Variants in PAXBP1 observed in about 807,000 individuals in gnomAD.
PAXBP1 encodes the protein PAX3- and PAX7-binding protein 1.
PAXBP1 carries 44 observed loss-of-function variants against 119.9 expected under a neutral mutation model. That is an observed-to-expected ratio of 0.37 (90% CI 0.29 to 0.47). The LOEUF is 0.47. Ranked by LOEUF, PAXBP1 falls within the 20% of genes least tolerant of loss-of-function variation. The pLI is 0.99. For missense variants in PAXBP1, 898 were observed against 1,134.1 expected, an observed-to-expected ratio of 0.79 and a Z score of 2.99; for synonymous variants, 393 against 406.6, an observed-to-expected ratio of 0.97 and a Z score of 0.40.
At position 32,734,859 on chromosome 21, in the gene PAXBP1, G is replaced by A; in HGVS notation, c.*91C>T. 5 of 879,594 alleles carry A rather than the reference G, an allele frequency of 5.7e-6. No individual in the cohort carries two copies. Among genetic ancestry groups the A allele is most frequent in the Middle Eastern group, 3.1e-4 (1 of 3,240 alleles). 54.5% of individuals were successfully genotyped at this position (879,594 alleles called of 1,614,324 possible). A position where few individuals can be genotyped will look rare whatever the true frequency, so the allele number is the denominator to read the frequency against. On this transcript the variant is annotated 3_prime_UTR_variant, in exon 18 of 18. Transcript: ENST00000331923. ...TGTTTTTTGTATTAAAACAAGAATT[G>A]CTATTTTACAGTTTAAGAAACTTTA...
In PAXBP1 at chr21:32,762,198, C is replaced by A. The variant is rs2044161024; in HGVS notation, c.769G>T (p.Asp257Tyr). 1 of 1,614,192 alleles carries A rather than the reference C, an allele frequency of 6.2e-7. No homozygotes were observed. Among genetic ancestry groups the A allele is most frequent in the Non-Finnish European group, 8.5e-7 (1 of 1,180,036 alleles). Residue 257 changes from aspartate to tyrosine, a missense_variant, in exon 4 of 18, where the codon GAT becomes TAT. Asp to Tyr is a radical substitution (Grantham distance 160, BLOSUM62 -3). This residue lies in a region of PAXBP1 where 599 missense variants were observed against 852.7 expected (regional missense o/e 0.70). Coordinates refer to ENST00000331923, the MANE Select transcript of PAXBP1 (RefSeq NM_016631.4). The part of the protein sequence containing the change: ...EPGKGRLVRE[D>Y]ENDASDDEDD... Reference sequence around the variant, plus strand: ...TCATCATCACTGGCATCATTCTCATCTTCTCTAACAAGGCGGCCTTTACCA... The same window carrying A: ...TCATCATCACTGGCATCATTCTCATATTCTCTAACAAGGCGGCCTTTACCA...
At chr21:32,768,789 T>C (rs1275934923) in intron 2 of PAXBP1, among the ~76,000 whole-genome samples, 2 of 152,268 alleles carry the variant, frequency 1.3e-5, no homozygotes, top group East Asian at 1.9e-4. Context: ...TGTCAACGTA[T>C]CTTTCACATG....
intron 17 of PAXBP1, among the ~76,000 whole-genome samples, chr21:32,735,947 G>A (rs2043686560): frequency 6.6e-6 from 1 of 152,232 alleles, no homozygotes; most frequent in African/African-American, 2.4e-5. Flanking sequence ...ACTGCACAAA[G>A]CAGGTGCTTA....
rs1405253367 is a variant in PAXBP1 at position 32,759,565 on chromosome 21, T to C, written c.1193+212A>G. 6 of 610,214 alleles carry C rather than the reference T, an allele frequency of 9.8e-6. No homozygotes were observed. The East Asian group carries it at 1.4e-4, about 14-fold the overall frequency. The allele number at this position is 610,214 out of a possible 1,614,324, so 37.8% of individuals were successfully genotyped here. ...CTCAGAAATGTCTTCAACAAGATCA[T>C]GGAGTGGCATTTTTTATAATTTTTC... is the stretch of plus-strand genomic sequence containing the variant. On this transcript the variant is annotated intron_variant, in intron 6 of 17. Transcript: ENST00000331923.
chr21:32,758,307 A>T (rs1442883888), intron 7 of PAXBP1, among the ~76,000 whole-genome samples: 3 of 152,108 alleles, frequency 2.0e-5, no homozygotes, highest in African/African-American at 7.2e-5. Context: ...ATATTTAAGG[A>T]CCACAGTTTT....
At chr21:32,758,831 A>G (rs1040309028) in intron 7 of PAXBP1, among the ~76,000 whole-genome samples, 36 of 152,110 alleles carry the variant, frequency 2.4e-4, no homozygotes, top group African/African-American at 8.0e-4. Flanking sequence ...TTGAAATAAG[A>G]CTTTCCAAAG....
At chr21:32,767,241 T>C (rs2146525545) in intron 2 of PAXBP1, among the ~76,000 whole-genome samples, 1 of 152,354 alleles carries the variant, frequency 6.6e-6, no homozygotes, top group South Asian at 2.1e-4. Context: ...GTTAATTGTC[T>C]CTGCCTACTA....
At position 32,771,719 on chromosome 21, in the gene PAXBP1, G is replaced by T; in HGVS notation, c.-51C>A. 7.5e-7 allele frequency: 1 copy of T among 1,326,500 alleles called. No homozygotes were observed. The highest frequency in any genetic ancestry group is 9.7e-7 in the Non-Finnish European group (1 of 1,034,824). The allele number at this position is 1,326,500 out of a possible 1,614,324, so 82.2% of individuals were successfully genotyped here. A position where few individuals can be genotyped will look rare whatever the true frequency, so the allele number is the denominator to read the frequency against. ...TACTCGCTTCCACACCGCGGCCCCG[G>T]CAGCGCCGAGCTCGTGACGGCGCAC... is the stretch of plus-strand genomic sequence containing the variant. On this transcript the variant is annotated 5_prime_UTR_variant, in exon 1 of 18. Coordinates refer to ENST00000331923, the MANE Select transcript of PAXBP1 (RefSeq NM_016631.4).
intron 8 of PAXBP1, among the ~76,000 whole-genome samples, chr21:32,754,216 T>A (rs1387925961): frequency 1.3e-5 from 2 of 152,202 alleles, no homozygotes; most frequent in Non-Finnish European, 2.9e-5. Context: ...AGCAAAGCAT[T>A]GCTTTCTGAA....
intron 6 of PAXBP1, 196 bp downstream of exon 6, chr21:32,759,581 A>G: frequency 1.6e-6 from 1 of 621,876 alleles, no homozygotes; most frequent in Non-Finnish European, 2.8e-6. Context: ...GGCATTTTTT[A>G]TAATTTTTCG....
chr21:32,758,819 T>C (rs891399483), intron 7 of PAXBP1, among the ~76,000 whole-genome samples: 7 of 152,158 alleles, frequency 4.6e-5, no homozygotes, highest in African/African-American at 1.4e-4. Flanking sequence ...TCTACCACCA[T>C]ATTGAAATAA....
chr21:32,769,767 G>C, intron 2 of PAXBP1, 47 bp downstream of exon 2: 1 of 1,582,748 alleles, frequency 6.3e-7, no homozygotes, highest in Non-Finnish European at 8.6e-7. Context: ...GTGAGAAAGA[G>C]CTTTCATTTT....
intron 16 of PAXBP1, 114 bp downstream of exon 16, chr21:32,738,059 A>C: frequency 9.2e-7 from 1 of 1,083,430 alleles, no homozygotes; most frequent in Admixed American, 3.0e-5. Context: ...CCTTACATGC[A>C]AGTCCAGTAA....
intron 16 of PAXBP1, among the ~76,000 whole-genome samples, chr21:32,737,909 A>T (rs1449225541): frequency 6.6e-6 from 1 of 152,224 alleles, no homozygotes; most frequent in East Asian, 1.9e-4. Context: ...ACTTTTATTT[A>T]TACCTATAAA....
chr21:32,767,052 C>T (rs1309696407), intron 2 of PAXBP1, among the ~76,000 whole-genome samples: 2 of 152,150 alleles, frequency 1.3e-5, no homozygotes, highest in South Asian at 2.1e-4. Flanking sequence ...CCTTTATATA[C>T]GGCTCCCTCA....
At chr21:32,765,908 G>A (rs2044233372) in intron 2 of PAXBP1, among the ~76,000 whole-genome samples, 1 of 152,014 alleles carries the variant, frequency 6.6e-6, no homozygotes, top group Non-Finnish European at 1.5e-5. Context: ...GCCAAGGCGG[G>A]TGGATCACCT....
intron 4 of PAXBP1, 88 bp from the exon 5 acceptor site, chr21:32,761,250 G>A: frequency 1.1e-6 from 1 of 944,692 alleles, no homozygotes; most frequent in African/African-American, 1.6e-5. Context: ...CAAGAACTGA[G>A]CAAAACTATT....
intron 7 of PAXBP1, 29 bp from the exon 8 acceptor site, chr21:32,755,382 C>T: frequency 1.9e-6 from 3 of 1,599,692 alleles, no homozygotes; most frequent in Non-Finnish European, 2.6e-6. Context: ...CTCCGTAACA[C>T]CAAACTCCTC....
At chr21:32,760,640 C>T (rs574097334) in intron 5 of PAXBP1, among the ~76,000 whole-genome samples, 1 of 152,248 alleles carries the variant, frequency 6.6e-6, no homozygotes, top group South Asian at 2.1e-4. Flanking sequence ...CTTTAGTGTG[C>T]ATCAGAATCA....
Sources: allele counts gnomAD v4.1 joint callset (sites outside exome capture counted in the v4.1 genomes callset), GRCh38; gene constraint gnomAD v4.1.1; regional missense constraint gnomAD v4.1.1; transcripts MANE v1.5; gene names NCBI Gene and HGNC (gene_info 2026-07-23, HGNC 2026-07-21).